Variants in GALM observed in about 807,000 individuals in gnomAD.
The protein encoded by GALM is galactose mutarotase.
In GALM, 43 loss-of-function variants were observed where a neutral mutation model predicts 37.4. That is an observed-to-expected ratio of 1.15 (90% CI 0.90 to 1.48). The LOEUF is 1.48. Among genes scored for constraint, GALM ranks in the 40% most tolerant of loss-of-function variants. GALM has a pLI of 0.00. For missense variants in GALM, 456 were observed against 419.1 expected (o/e 1.09, Z -0.77); for synonymous variants, 199 against 170.6 (o/e 1.17, Z -1.30).
At chr2:38,725,038 T>C (rs749071956) in intron 4 of GALM, among the ~76,000 whole-genome samples, 2 of 152,222 alleles carry the variant, frequency 1.3e-5, no homozygotes, top group African/African-American at 2.4e-5. Context: ...ATAAGCAATT[T>C]TGATTGACCT....
intron 4 of GALM, among the ~76,000 whole-genome samples, chr2:38,707,081 G>T (rs1444216403): frequency 1.3e-5 from 2 of 150,780 alleles, no homozygotes; most frequent in Non-Finnish European, 3.0e-5. Context: ...GGGATGTTCA[G>T]TGAGTTGTGA....
At chr2:38,726,475 C>T (rs1044562685) in intron 4 of GALM, among the ~76,000 whole-genome samples, 1 of 151,970 alleles carries the variant, frequency 6.6e-6, no homozygotes, top group African/African-American at 2.4e-5. Flanking sequence ...ATCCGCCCGC[C>T]TCGGCCTGCC....
chr2:38,714,153 G>C (rs1208073637), intron 4 of GALM, among the ~76,000 whole-genome samples: 1 of 151,986 alleles, frequency 6.6e-6, no homozygotes, highest in Non-Finnish European at 1.5e-5. Flanking sequence ...TACCAGACAT[G>C]TCTAAACACA....
intron 1 of GALM, chr2:38,668,915 G>T (rs1274301054): frequency 6.6e-6 from 1 of 152,130 alleles, no homozygotes; most frequent in Non-Finnish European, 1.5e-5. Flanking sequence ...ATAATTCCAT[G>T]AGACATGGTC....
intron 4 of GALM, among the ~76,000 whole-genome samples, chr2:38,727,619 C>T (rs1403427758): frequency 6.7e-6 from 1 of 149,824 alleles, no homozygotes; most frequent in African/African-American, 2.5e-5. Flanking sequence ...CCCAGCTCCT[C>T]GGGAGGCTGA....
At chr2:38,666,464 T>C (rs1054467106) in intron 1 of GALM, 113 bp downstream of exon 1, 2 of 792,892 alleles carry the variant, frequency 2.5e-6, no homozygotes, top group African/African-American at 3.5e-5. Flanking sequence ...GTCGCCTAGC[T>C]TGGGACCGTC....
intron 4 of GALM, among the ~76,000 whole-genome samples, chr2:38,712,991 C>G (rs1456481719): frequency 6.6e-6 from 1 of 152,148 alleles, no homozygotes; most frequent in Admixed American, 6.6e-5. Flanking sequence ...TTAATGTAAC[C>G]TAGCTGTGTT....
intron 3 of GALM, among the ~76,000 whole-genome samples, chr2:38,687,619 G>A (rs1439123905): frequency 6.6e-6 from 1 of 151,770 alleles, no homozygotes; most frequent in Non-Finnish European, 1.5e-5. Flanking sequence ...GCTAAGGCAG[G>A]AGAATTGCTT....
intron 3 of GALM, chr2:38,682,200 C>A: frequency 2.4e-6 from 1 of 416,706 alleles, no homozygotes; most frequent in Non-Finnish European, 5.0e-6. Context: ...GACAACCCCC[C>A]TTAAGTGATC....
chr2:38,698,582 TGTTG>T, intron 4 of GALM: 1 of 354,540 alleles, frequency 2.8e-6, no homozygotes, highest in South Asian at 2.2e-5. Context: ...GAGCACACTC[TGTTG>T]TTGGGCATAT....
chr2:38,682,400 G>A (rs1665419380), intron 3 of GALM: 2 of 277,176 alleles, frequency 7.2e-6, no homozygotes, highest in South Asian at 3.2e-5. Context: ...GCAAGATGGT[G>A]TTCACAGTCA....
chr2:38,695,591 C>G (rs1452040105), intron 4 of GALM, among the ~76,000 whole-genome samples: 7 of 152,228 alleles, frequency 4.6e-5, no homozygotes, highest in Non-Finnish European at 8.8e-5. Context: ...ATATGAATGA[C>G]TTTTACTGCG....
At chr2:38,709,890 AC>A (rs1666113953) in intron 4 of GALM, among the ~76,000 whole-genome samples, 2 of 152,218 alleles carry the variant, frequency 1.3e-5, no homozygotes, top group African/African-American at 2.4e-5. Flanking sequence ...GAGCCCCTTT[AC>A]CGCAGGCCTC....
intron 4 of GALM, among the ~76,000 whole-genome samples, chr2:38,714,742 C>T (rs1558593075): frequency 6.6e-6 from 1 of 152,158 alleles, no homozygotes; most frequent in Non-Finnish European, 1.5e-5. Flanking sequence ...CACTCCAATA[C>T]AGATAATTCT....
At chr2:38,722,052 C>CCCCCCCCCCCA (rs1666391057) in intron 4 of GALM, among the ~76,000 whole-genome samples, 2 of 121,570 alleles carry the variant, frequency 1.6e-5, no homozygotes, top group Non-Finnish European at 3.6e-5. Context: ...CCCCCCCCCC[C>CCCCCCCCCCCA]ACCTAGAACA....
intron 4 of GALM, among the ~76,000 whole-genome samples, chr2:38,691,525 G>C (rs1402464284): frequency 1.4e-5 from 2 of 146,532 alleles, no homozygotes; most frequent in Non-Finnish European, 3.0e-5. Context: ...ACAAAAAATT[G>C]AAAAAAAAAA....
chr2:38,704,711 A>G (rs779493701), intron 4 of GALM, among the ~76,000 whole-genome samples: 14 of 151,974 alleles, frequency 9.2e-5, no homozygotes, highest in Admixed American at 2.6e-4. Context: ...ATAAGAAAGT[A>G]CTTGGACAAC....
intron 4 of GALM, among the ~76,000 whole-genome samples, chr2:38,703,014 C>CAGG (rs1665949328): frequency 9.5e-6 from 1 of 105,008 alleles, no homozygotes; most frequent in African/African-American, 3.7e-5. Flanking sequence ...CCTAGCTACT[C>CAGG]AGGAGGCTGG....
chr2:38,716,316 G>C (rs945479674), intron 4 of GALM, among the ~76,000 whole-genome samples: 2 of 152,224 alleles, frequency 1.3e-5, no homozygotes, highest in African/African-American at 4.8e-5. Context: ...AGTCCAGAAG[G>C]AGGCCCTGGT....
Sources: gnomAD v4.1 joint callset for allele counts (sites outside exome capture counted in the v4.1 genomes callset) on GRCh38, gnomAD v4.1.1 for gene constraint, MANE v1.5 for transcripts, NCBI Gene and HGNC (gene_info 2026-07-23, HGNC 2026-07-21) for gene names.